RFTN2: variants seen among roughly 807,000 people sequenced by gnomAD.
The protein encoded by RFTN2 is raftlin-2.
RFTN2 carries 34 observed loss-of-function variants against 52.7 expected under a neutral mutation model. That is an observed-to-expected ratio of 0.64 (90% CI 0.49 to 0.86). RFTN2 has a LOEUF of 0.86. Among genes scored for constraint, RFTN2 ranks in the 40% least tolerant of loss-of-function variants. The pLI, the probability that RFTN2 is intolerant of heterozygous loss-of-function variation, is 0.00. For missense variants in RFTN2, 536 were observed against 600.1 expected (o/e 0.89, Z 1.12); for synonymous variants, 203 against 217.7 (o/e 0.93, Z 0.59).
chr2:197,615,559 A>G (rs1450680732), intron 7 of RFTN2, among the ~76,000 whole-genome samples: 1 of 150,022 alleles, frequency 6.7e-6, no homozygotes, highest in African/African-American at 2.5e-5. Context: ...GCCAAGGGGA[A>G]CTAACTCACC....
At chr2:197,618,967 C>T (rs549421362) in intron 5 of RFTN2, among the ~76,000 whole-genome samples, 1 of 151,618 alleles carries the variant, frequency 6.6e-6, no homozygotes, top group East Asian at 2.0e-4. Flanking sequence ...GGGGGTCAGC[C>T]CCCCGCCCGG....
chr2:197,652,407 C>T (rs1166746724), intron 1 of RFTN2, among the ~76,000 whole-genome samples: 8 of 152,006 alleles, frequency 5.3e-5, no homozygotes, highest in South Asian at 2.1e-4. Flanking sequence ...AGGAAGATTA[C>T]GTGGAAAAAT....
In RFTN2 at chr2:197,572,267, C is replaced by G; in HGVS notation, c.1247G>C (p.Arg416Pro). 2 of 1,613,550 alleles carry G rather than the reference C, an allele frequency of 1.2e-6. No individual in the cohort carries two copies. The highest frequency in any genetic ancestry group is 2.2e-5 in the South Asian group (2 of 91,078). Residue 416 changes from arginine (R) to proline (P), a missense_variant, in exon 9 of 9, where the codon CGC becomes CCC. Transcript: ENST00000295049. ...AAQTPDKKAS[R>P]HIKGEDKNKA... ...ATTCTTGTCTTCACCTTTTATGTGG[C>G]GGCTGGCTTTCTTCTGAAACACAAG...
At position 197,675,382 on chromosome 2, in the gene RFTN2, G is replaced by A. The variant is rs139544598; in HGVS notation, c.77C>T (p.Pro26Leu). The part of the protein sequence containing the change: ...PGKIFSTLKR[P>L]QVETKTEFAY... ...AAATTCTGTCTTTGTTTCCACTTGCGGTCTCTTCAGGGTAGAAAATATTTT... is the reference window on the plus strand; with the variant it reads ...AAATTCTGTCTTTGTTTCCACTTGCAGTCTCTTCAGGGTAGAAAATATTTT... The change falls in exon 1 of 9, where the codon CCG becomes CTG. Residue 26 changes from proline to leucine, a missense_variant. Coordinates refer to ENST00000295049, the MANE Select transcript of RFTN2 (RefSeq NM_144629.3). The A allele has an allele frequency of 5.0e-6, 8 of 1,603,970 alleles. No homozygotes were observed. Among genetic ancestry groups the A allele is most frequent in the Non-Finnish European group, 5.1e-6 (6 of 1,175,354 alleles).
chr2:197,583,101 G>A (rs182090504), intron 8 of RFTN2, among the ~76,000 whole-genome samples: 88 of 152,188 alleles, frequency 5.8e-4, no homozygotes, highest in African/African-American at 2.0e-3. Context: ...CCATTAGCCC[G>A]CCTCTTAGAA....
intron 7 of RFTN2, among the ~76,000 whole-genome samples, chr2:197,607,483 TA>T (rs2087982199): frequency 6.9e-6 from 1 of 144,182 alleles, no homozygotes; most frequent in African/African-American, 2.5e-5. Context: ...AGTATAATAA[TA>T]ATAATAATAA....
chr2:197,578,285 AGGTAAACAGCCACCAAATGT>A, intron 8 of RFTN2, among the ~76,000 whole-genome samples: 1 of 152,370 alleles, frequency 6.6e-6, no homozygotes, highest in Non-Finnish European at 1.5e-5. Flanking sequence ...AAGCATTAAT[AGGTAAACAGCCACCAAATGT>A]AAATTTCAAA....
chr2:197,580,544 C>T (rs546679407), intron 8 of RFTN2, among the ~76,000 whole-genome samples: 2 of 152,242 alleles, frequency 1.3e-5, no homozygotes, highest in African/African-American at 4.8e-5. Flanking sequence ...GCCCAAGGCT[C>T]TCTGACTGAC....
At chr2:197,607,007 G>A (rs2087972269) in intron 7 of RFTN2, among the ~76,000 whole-genome samples, 3 of 152,172 alleles carry the variant, frequency 2.0e-5, no homozygotes, top group Admixed American at 1.3e-4. Context: ...TATAAATCAT[G>A]CTGCTATAAA....
Position 197,618,230 on chromosome 2 carries a change from C to T in RFTN2, c.929-309G>A, listed in dbSNP as rs111983735. ...CTTGCCGAGTGCCTGCGATTGCAGG[C>T]GCGCGCCGCCACGCCTGACTGGTTT... On this transcript the variant is annotated intron_variant, in intron 5 of 8. Transcript: ENST00000295049. 2.3e-4 allele frequency among the ~76,000 whole-genome samples: 35 copies of T among 152,098 alleles called. 1 individual carries two copies. Among genetic ancestry groups the T allele is most frequent in the African/African-American group, 8.2e-4 (34 of 41,518 alleles).
At chr2:197,656,923 G>A (rs1055825801) in intron 1 of RFTN2, among the ~76,000 whole-genome samples, 44 of 152,262 alleles carry the variant, frequency 2.9e-4, no homozygotes, top group African/African-American at 1.0e-3. Flanking sequence ...GCAGGACCTG[G>A]AGAACACTCA....
intron 3 of RFTN2, among the ~76,000 whole-genome samples, chr2:197,640,154 A>C (rs374838948): frequency 6.6e-6 from 1 of 150,952 alleles, no homozygotes; most frequent in Non-Finnish European, 1.5e-5. Context: ...CTGTCAGACA[A>C]GGACATTTAA....
Position 197,631,232 on chromosome 2 carries a change from G to A in RFTN2, c.719-12C>T, listed in dbSNP as rs1446892499. The stretch of plus-strand genomic sequence containing the variant: ...TTTGTTATCTGAGGCTAGGCATTCA[G>A]AAGGAGAAAAAAGGGGAAAATTATA... On this transcript the variant is annotated splice_polypyrimidine_tract_variant and intron_variant, in intron 4 of 8. Transcript: ENST00000295049. The A allele has an allele frequency of 6.3e-7, 1 of 1,585,248 alleles. No individual in the cohort carries two copies. The highest frequency in any genetic ancestry group is 8.6e-7 in the Non-Finnish European group (1 of 1,164,088).
chr2:197,585,332 T>C (rs2087578809), intron 8 of RFTN2, among the ~76,000 whole-genome samples: 1 of 152,202 alleles, frequency 6.6e-6, no homozygotes, highest in Non-Finnish European at 1.5e-5. Context: ...TTCACCATTC[T>C]CAACTACTTG....
At position 197,648,304 on chromosome 2, in the gene RFTN2, C is replaced by T. The variant is rs537862421; in HGVS notation, c.140-1638G>A. Among the ~76,000 whole-genome samples, 3 of 152,290 alleles carry T rather than the reference C, an allele frequency of 2.0e-5. No individual in the cohort carries two copies. The East Asian group carries it at 5.8e-4, about 29-fold the overall frequency. On this transcript the variant is annotated intron_variant, in intron 1 of 8. Coordinates refer to ENST00000295049, the MANE Select transcript of RFTN2 (RefSeq NM_144629.3). ...AAAGTTATATAAACCAGGAAGGGTC[C>T]ACTTCCTCCAATTTTCACCCTCTTT...
At chr2:197,600,956 G>A (rs982552428) in intron 7 of RFTN2, among the ~76,000 whole-genome samples, 1 of 152,192 alleles carries the variant, frequency 6.6e-6, no homozygotes, top group Non-Finnish European at 1.5e-5. Flanking sequence ...CAAGTATAGA[G>A]AACAGTCTAC....
At chr2:197,660,474 A>T (rs963796202) in intron 1 of RFTN2, among the ~76,000 whole-genome samples, 1 of 152,174 alleles carries the variant, frequency 6.6e-6, no homozygotes, top group African/African-American at 2.4e-5. Context: ...AGTATTTTAC[A>T]TATTTATGAA....
chr2:197,659,917 A>T (rs1047090088), intron 1 of RFTN2, among the ~76,000 whole-genome samples: 3 of 152,274 alleles, frequency 2.0e-5, no homozygotes, highest in Non-Finnish European at 2.9e-5. Context: ...ATAGTAAAAA[A>T]TAAGTAACAT....
At chr2:197,618,984 G>C (rs947072975) in intron 5 of RFTN2, among the ~76,000 whole-genome samples, 1 of 151,272 alleles carries the variant, frequency 6.6e-6, no homozygotes, top group African/African-American at 2.4e-5. Context: ...CCGGCCAGCC[G>C]CCCCATCCGG....
Sources: gnomAD v4.1 joint callset for allele counts (sites outside exome capture counted in the v4.1 genomes callset) on GRCh38, gnomAD v4.1.1 for gene constraint, MANE v1.5 for transcripts, NCBI Gene and HGNC (gene_info 2026-07-23, HGNC 2026-07-21) for gene names.